The following PCDHA4 variants were observed in gnomAD, a reference collection of about 807,000 sequenced individuals.
The protein encoded by PCDHA4 is protocadherin alpha-4.
Under a neutral mutation model 61.4 loss-of-function variants are expected in PCDHA4, and 49 were observed. That is an observed-to-expected ratio of 0.80 (90% confidence interval 0.63 to 1.01). The LOEUF is 1.01. PCDHA4 is among the 50% of genes least tolerant of loss of function. PCDHA4 has a pLI of 0.00. For missense variants in PCDHA4, 1,254 were observed against 1,235.8 expected, an observed-to-expected ratio of 1.01 and a Z score of -0.22; for synonymous variants, 590 against 550.3, an observed-to-expected ratio of 1.07 and a Z score of -1.01.
intron 1 of PCDHA4, among the ~76,000 whole-genome samples, chr5:140,891,039 AC>A (rs143686625): frequency 0.024 from 3,682 of 152,150 alleles, 153 homozygotes; most frequent in African/African-American, 0.085. Context: ...CTTAGGTGTG[AC>A]CCCCACAGCA....
At position 140,928,087 on chromosome 5, in the gene PCDHA4, A is replaced by T. The variant is rs1554205462; in HGVS notation, c.2386-50862A>T. On this transcript the variant is annotated intron_variant, in intron 1 of 3. Coordinates refer to ENST00000530339, the MANE Select transcript of PCDHA4 (RefSeq NM_018907.4). The stretch of plus-strand genomic sequence containing the variant: ...CTTTGACAACTACTACAGCCTGCTG[A>T]TTGATGGGCCCCTGGACCGGGAGCA... 3.1e-6 allele frequency: 5 copies of T among 1,614,022 alleles called. No individual in the cohort carries two copies. In the African/African-American group the frequency reaches 5.3e-5, roughly 17 times the overall value.
Position 141,009,690 on chromosome 5 carries a change from TTAAA to T in PCDHA4, c.2600_2603del (p.Lys867ThrfsTer44). On this transcript the variant is annotated frameshift_variant, in exon 4 of 4. Transcript: ENST00000530339. LOFTEE classifies it high-confidence loss of function. ...GGTGTCAACAGCAACAGCTGGACCT[TTAAA>T]TACGGACCAGGCAACCCCAAACAAT... 6.2e-7 allele frequency: 1 copy of T among 1,614,068 alleles called. No individual in the cohort carries two copies. Among genetic ancestry groups the T allele is most frequent in the Non-Finnish European group, 8.5e-7 (1 of 1,180,024 alleles).
chr5:141,011,822 A>G lies in PCDHA4; in HGVS notation c.*1885A>G, dbSNP rs181852141. 7 of 153,844 alleles carry G rather than the reference A, an allele frequency of 4.6e-5. No homozygotes were observed. The highest frequency in any genetic ancestry group is 1.4e-4 in the African/African-American group (6 of 41,546). The allele number at this position is 153,844 out of a possible 1,614,324, so 9.5% of individuals were successfully genotyped here. A position where few individuals can be genotyped will look rare whatever the true frequency, so the allele number is the denominator to read the frequency against. On this transcript the variant is annotated 3_prime_UTR_variant, in exon 4 of 4. Transcript: ENST00000530339. ...ATATCAGCTCATAGAAAGTAACAAA[A>G]TTTGCTGTCACCTTAAATAAGACAT...
At chr5:140,938,538 AT>A (rs1278860544) in intron 1 of PCDHA4, among the ~76,000 whole-genome samples, 1 of 135,490 alleles carries the variant, frequency 7.4e-6, no homozygotes, top group Non-Finnish European at 1.6e-5. Context: ...GATAATATGG[AT>A]TTTTATCCTT....
At chr5:141,009,488 C>T (rs2098409682) in intron 3 of PCDHA4, 139 bp from the exon 4 acceptor site, 4 of 1,469,622 alleles carry the variant, frequency 2.7e-6, no homozygotes, top group Non-Finnish European at 3.6e-6. Context: ...CTTGCCTTGC[C>T]CTCAGACTTG....
intron 1 of PCDHA4, among the ~76,000 whole-genome samples, chr5:140,955,323 G>A (rs1213005534): frequency 6.6e-6 from 1 of 152,098 alleles, no homozygotes; most frequent in East Asian, 1.9e-4. Flanking sequence ...ACCTTGAATT[G>A]TAGTTCCCAT....
chr5:140,878,662 C>T (rs1479409326), intron 1 of PCDHA4, among the ~76,000 whole-genome samples: 1 of 152,194 alleles, frequency 6.6e-6, no homozygotes, highest in African/African-American at 2.4e-5. Flanking sequence ...CCAGAGGCTT[C>T]TCTTTAACCA....
chr5:140,928,313 T>TG (rs1554205740), intron 1 of PCDHA4: 1 of 1,614,172 alleles, frequency 6.2e-7, no homozygotes, highest in Non-Finnish European at 8.5e-7. Flanking sequence ...GACCCCGACC[T>TG]GGGGAAGAAT....
At chr5:140,861,267 A>G (rs1251447795) in intron 1 of PCDHA4, 4 of 174,546 alleles carry the variant, frequency 2.3e-5, no homozygotes, top group African/African-American at 9.5e-5. Context: ...CGGAGCCTAC[A>G]GCACTGGCTT....
chr5:140,874,487 G>T (rs1194886650), intron 1 of PCDHA4, among the ~76,000 whole-genome samples: 11 of 152,214 alleles, frequency 7.2e-5, no homozygotes, highest in African/African-American at 2.2e-4. Flanking sequence ...GCAAAAGGTT[G>T]ATATCAAGTT....
In PCDHA4 at chr5:141,010,358, C is replaced by G; in HGVS notation, c.*421C>G. 1 of 1,488,620 alleles carries G rather than the reference C, an allele frequency of 6.7e-7. No homozygotes were observed. The highest frequency in any genetic ancestry group is 1.3e-5 in the South Asian group (1 of 76,158). 92.2% of individuals were successfully genotyped at this position (1,488,620 alleles called of 1,614,324 possible). On this transcript the variant is annotated 3_prime_UTR_variant, in exon 4 of 4. Transcript: ENST00000530339. ...GTGGCCACTGGGTATGTGTGGCTAC[C>G]GCGGGTATGCGAGTGCCAGATATTG...
intron 1 of PCDHA4, chr5:140,882,520 G>C (rs2059167404): frequency 6.2e-7 from 1 of 1,614,218 alleles, no homozygotes; most frequent in Admixed American, 1.7e-5. Context: ...ATGGCATTTT[G>C]TTTGTGAATT....
In PCDHA4 at chr5:140,993,461, CT is replaced by C. The variant is rs1554253717; in HGVS notation, c.2533+10899del. 2.8e-3 allele frequency among the ~76,000 whole-genome samples: 284 copies of C among 103,272 alleles called. 3 individuals are homozygous for C. Among genetic ancestry groups the C allele is most frequent in the African/African-American group, 0.011 (251 of 22,630 alleles). 67.8% of individuals were successfully genotyped at this position (103,272 alleles called of 152,430 possible). ...TCATTCCTGTTCTCCTTCTTTCTTTCTCACACACACACACACACACACACAC... is the reference window on the plus strand; with the variant it reads ...TCATTCCTGTTCTCCTTCTTTCTTTCCACACACACACACACACACACACAC... On this transcript the variant is annotated intron_variant, in intron 3 of 3. Coordinates refer to ENST00000530339, the MANE Select transcript of PCDHA4 (RefSeq NM_018907.4).
chr5:140,845,374 TAGG>T (rs1779845907), intron 1 of PCDHA4, among the ~76,000 whole-genome samples: 1 of 149,664 alleles, frequency 6.7e-6, no homozygotes, highest in South Asian at 2.1e-4. Flanking sequence ...ATATCATAAA[TAGG>T]AGGATTCTTT....
In PCDHA4 at chr5:140,870,516, C is replaced by A. The variant is rs568100247; in HGVS notation, c.2385+60944C>A. The A allele has an allele frequency of 2.2e-4, 361 of 1,614,240 alleles. 3 individuals carry two copies. In the South Asian group the frequency reaches 3.8e-3, roughly 17 times the overall value. ...TGAAGGAGAACAACCCACCAGGCTG[C>A]CACATCTTCACAGTGTCGGCGCGGG... is the stretch of plus-strand genomic sequence containing the variant. On this transcript the variant is annotated intron_variant, in intron 1 of 3. Coordinates refer to ENST00000530339, the MANE Select transcript of PCDHA4 (RefSeq NM_018907.4).
At chr5:140,844,316 A>C (rs1554140608) in intron 1 of PCDHA4, among the ~76,000 whole-genome samples, 1 of 149,428 alleles carries the variant, frequency 6.7e-6, no homozygotes, top group Non-Finnish European at 1.5e-5. Flanking sequence ...ATTCTTCCTA[A>C]TTTTATTATA....
chr5:140,848,707 G>GC, intron 1 of PCDHA4: 1 of 1,592,428 alleles, frequency 6.3e-7, no homozygotes, highest in Non-Finnish European at 8.6e-7. Flanking sequence ...TCCAAAGGCC[G>GC]CGGGGACCTT....
In PCDHA4 at chr5:140,857,157, T is replaced by C. The variant is rs1371246447; in HGVS notation, c.2385+47585T>C. The C allele has an allele frequency of 5.6e-6, 9 of 1,598,272 alleles. 1 individual carries two copies. The Middle Eastern group carries it at 5.0e-4, about 88-fold the overall frequency. On this transcript the variant is annotated intron_variant, in intron 1 of 3. Transcript: ENST00000530339. ...GCTCAAGTGGGCACCGTCATTGCCC[T>C]AATCAGCGTTTCTGACCATGATTCA... is the stretch of plus-strand genomic sequence containing the variant.
At chr5:140,967,156 G>A (rs1169438367) in intron 1 of PCDHA4, 1 of 1,610,422 alleles carries the variant, frequency 6.2e-7, no homozygotes, top group Admixed American at 1.7e-5. Context: ...ACCCCGTGGC[G>A]GTGAGCGCCG....
Sources: allele counts gnomAD v4.1 joint callset (sites outside exome capture counted in the v4.1 genomes callset), GRCh38; gene constraint gnomAD v4.1.1; transcripts MANE v1.5; gene names NCBI Gene and HGNC (gene_info 2026-07-23, HGNC 2026-07-21).